RFX7: variants seen among roughly 807,000 people sequenced by gnomAD.
The protein encoded by RFX7 is regulatory factor X7.
RFX7 carries 26 observed loss-of-function variants against 111.8 expected under a neutral mutation model. That is an observed-to-expected ratio of 0.23 (90% CI 0.17 to 0.32). The LOEUF (loss-of-function observed/expected upper bound fraction) is 0.32. Among genes scored for constraint, RFX7 ranks in the 10% least tolerant of loss-of-function variants. The pLI is 1.00. For synonymous variants in RFX7, 624 were observed against 624.4 expected, an observed-to-expected ratio of 1.00 and a Z score of 0.01; for missense variants, 1,573 against 1,772.9, an observed-to-expected ratio of 0.89 and a Z score of 2.02.
intron 5 of RFX7, among the ~76,000 whole-genome samples, chr15:56,121,881 C>T (rs999550541): frequency 6.6e-6 from 1 of 152,118 alleles, no homozygotes; most frequent in Non-Finnish European, 1.5e-5. Context: ...ATTATTCAAT[C>T]TCTGTTAAAT....
chr15:56,155,102 C>G (rs550116667), intron 3 of RFX7, among the ~76,000 whole-genome samples: 14 of 152,014 alleles, frequency 9.2e-5, no homozygotes, highest in Non-Finnish European at 1.9e-4. Flanking sequence ...GTTAGAATGG[C>G]GATCATTAAA....
chr15:56,212,676 G>T (rs1366891113), intron 2 of RFX7, among the ~76,000 whole-genome samples: 3 of 151,912 alleles, frequency 2.0e-5, no homozygotes, highest in Non-Finnish European at 4.4e-5. Context: ...AAGAAATAAA[G>T]TTTATTTTTT....
chr15:56,138,810 G>A (rs1350748261), intron 5 of RFX7, among the ~76,000 whole-genome samples: 1 of 152,076 alleles, frequency 6.6e-6, no homozygotes, highest in East Asian at 1.9e-4. Context: ...GGGCAGGCCT[G>A]GTGGTGACAA....
At chr15:56,143,235 C>T (rs1482611243) in intron 4 of RFX7, among the ~76,000 whole-genome samples, 1 of 151,986 alleles carries the variant, frequency 6.6e-6, no homozygotes, top group African/African-American at 2.4e-5. Flanking sequence ...AATCATCAAA[C>T]TTTAAAACAA....
chr15:56,165,287 A>G (rs1375438978), intron 3 of RFX7, among the ~76,000 whole-genome samples: 1 of 152,188 alleles, frequency 6.6e-6, no homozygotes, highest in African/African-American at 2.4e-5. Flanking sequence ...AGTGTTTAAA[A>G]CTTAAAATAT....
rs1212743101 is a variant in RFX7, at chr15:56,093,917, T to C, written c.3811A>G (p.Asn1271Asp). The part of the protein sequence containing the change: ...NDDAVRGLGM[N>D]NLPSNYTARM... ...GCTGTATAATTAGAGGGCAGGTTGT[T>C]CATTCCCAAACCTCTCACTGCATCA... Residue 1271 changes from asparagine to aspartate, a missense_variant, in exon 10 of 10, where the codon AAC (asparagine) becomes GAC (aspartate). Asn to Asp is a conservative substitution (Grantham distance 23). Transcript: ENST00000559447. 5 of 1,613,956 alleles carry C rather than the reference T, an allele frequency of 3.1e-6. No individual in the cohort carries two copies. Among genetic ancestry groups the C allele is most frequent in the Non-Finnish European group, 4.2e-6 (5 of 1,179,866 alleles).
At chr15:56,107,189 C>T (rs1481211832) in intron 5 of RFX7, among the ~76,000 whole-genome samples, 2 of 143,016 alleles carry the variant, frequency 1.4e-5, no homozygotes, top group Admixed American at 7.4e-5. Context: ...CCCAGTTACT[C>T]GGGAGGCTGA....
intron 3 of RFX7, among the ~76,000 whole-genome samples, chr15:56,175,262 G>A (rs1441737498): frequency 2.0e-5 from 3 of 151,990 alleles, no homozygotes; most frequent in African/African-American, 7.2e-5. Flanking sequence ...AACAAAACAC[G>A]CTGAAAGATA....
intron 2 of RFX7, among the ~76,000 whole-genome samples, chr15:56,221,738 A>C (rs1241615452): frequency 6.6e-6 from 1 of 152,120 alleles, no homozygotes; most frequent in Non-Finnish European, 1.5e-5. Flanking sequence ...ATATATCCTT[A>C]ATCTATCACA....
rs1337849890 is a variant in RFX7, at chr15:56,095,696, C to T, written c.2032G>A (p.Glu678Lys). Residue 678 changes from glutamate to lysine, a missense_variant, in exon 10 of 10, where the codon GAA (glutamate) becomes AAA (lysine). By Grantham distance (56) the Glu-to-Lys change is moderately conservative. Coordinates refer to ENST00000559447, the MANE Select transcript of RFX7 (RefSeq NM_022841.7). ...QVPPVKKPIV[E>K]QLSAATIEGQ... The stretch of plus-strand genomic sequence containing the variant: ...TCTATGGTAGCTGCTGAAAGCTGTT[C>T]CACAATTGGTTTCTTTACAGGAGGC... 3 of 1,613,848 alleles carry T rather than the reference C, an allele frequency of 1.9e-6. No homozygotes were observed. In the African/African-American group the frequency reaches 4.0e-5, roughly 22 times the overall value.
At chr15:56,225,788 C>T (rs577808884) in intron 2 of RFX7, among the ~76,000 whole-genome samples, 6 of 152,254 alleles carry the variant, frequency 3.9e-5, no homozygotes, top group African/African-American at 1.4e-4. Flanking sequence ...CCCTATAGGA[C>T]ATTATTAAAT....
intron 3 of RFX7, among the ~76,000 whole-genome samples, chr15:56,171,403 A>G (rs1034276214): frequency 3.4e-4 from 51 of 152,148 alleles, no homozygotes; most frequent in Non-Finnish European, 4.1e-4. Context: ...ATACTCAGGT[A>G]TCCTGATAAA....
intron 5 of RFX7, among the ~76,000 whole-genome samples, chr15:56,136,038 G>C (rs1240820364): frequency 6.6e-5 from 10 of 152,060 alleles, no homozygotes; most frequent in Non-Finnish European, 1.0e-4. Context: ...ATAGTTTGAA[G>C]TCAGGTAGTG....
In RFX7 at chr15:56,103,668, C is replaced by T. The variant is rs2041789154; in HGVS notation, c.404G>A (p.Ser135Asn). The change falls in exon 6 of 10, where the codon AGC (serine) becomes AAC (asparagine). Residue 135 changes from serine (S) to asparagine (N), a missense_variant and splice_region_variant. Physicochemically the swap from Ser to Asn is conservative, Grantham distance 46. This residue lies in a region of RFX7 where 191 missense variants were observed against 194.2 expected (regional missense o/e 0.98). Transcript: ENST00000559447. ...PKQEVYDEYK[S>N]YCDNLGYHPL... Reference sequence around the variant, plus strand: ...ATGGTAACCAAGATTGTCACAATAGCTCCTGCAAAAGAAGGAAGGACCAAT... The same window carrying T: ...ATGGTAACCAAGATTGTCACAATAGTTCCTGCAAAAGAAGGAAGGACCAAT... The T allele has an allele frequency of 6.3e-7, 1 of 1,577,604 alleles. No individual in the cohort carries two copies.
chr15:56,222,493 A>G (rs771083324), intron 2 of RFX7, among the ~76,000 whole-genome samples: 24 of 152,098 alleles, frequency 1.6e-4, no homozygotes, highest in Admixed American at 6.5e-5. Flanking sequence ...TTACACATAT[A>G]TTGGCCCACG....
chr15:56,214,529 C>T (rs1265887397), intron 2 of RFX7, among the ~76,000 whole-genome samples: 1 of 151,200 alleles, frequency 6.6e-6, no homozygotes, highest in African/African-American at 2.4e-5. Context: ...TCCTGGTTAA[C>T]ATGGTGAAAC....
At chr15:56,112,268 C>T (rs570102585) in intron 5 of RFX7, among the ~76,000 whole-genome samples, 11 of 148,952 alleles carry the variant, frequency 7.4e-5, no homozygotes, top group East Asian at 4.0e-4. Context: ...TGCACTAGTA[C>T]GGTATTTTTC....
chr15:56,102,076 T>G, intron 7 of RFX7, 93 bp downstream of exon 7: 1 of 908,460 alleles, frequency 1.1e-6, no homozygotes, highest in Non-Finnish European at 1.7e-6. Context: ...GCACAGTCGC[T>G]AGGCTTAACC....
intron 9 of RFX7, 42 bp from the exon 10 acceptor site, chr15:56,096,662 C>A: frequency 2.7e-6 from 4 of 1,499,312 alleles, no homozygotes; most frequent in African/African-American, 1.4e-5. Context: ...CAGGTCTAGC[C>A]TGTAAATAGT....
Sources: gnomAD v4.1 joint callset for allele counts (sites outside exome capture counted in the v4.1 genomes callset) on GRCh38, gnomAD v4.1.1 for gene constraint, gnomAD v4.1.1 regional missense constraint, MANE v1.5 for transcripts, NCBI Gene and HGNC (gene_info 2026-07-23, HGNC 2026-07-21) for gene names.